The following ANKS1B variants were observed in gnomAD, a reference collection of about 807,000 sequenced individuals.
The protein encoded by ANKS1B is ankyrin repeat and sterile alpha motif domain containing 1B.
In ANKS1B, 36 loss-of-function variants were observed where a neutral mutation model predicts 148.3. The ratio of observed to expected loss-of-function variants is 0.24; its 90% CI spans 0.19 to 0.32. ANKS1B has a LOEUF of 0.32. Among genes scored for constraint, ANKS1B ranks in the 10% least tolerant of loss-of-function variants. The pLI is 1.00. For synonymous variants in ANKS1B, 542 were observed against 560.8 expected (o/e 0.97, Z 0.47); for missense variants, 1,157 against 1,542.6 (o/e 0.75, Z 4.19).
At chr12:98,776,324 C>T (rs1372159232) in intron 24 of ANKS1B, among the ~76,000 whole-genome samples, 1 of 152,226 alleles carries the variant, frequency 6.6e-6, no homozygotes, top group Non-Finnish European at 1.5e-5. Flanking sequence ...TGAAGAGGTA[C>T]AGGTGATGCA....
intron 8 of ANKS1B, among the ~76,000 whole-genome samples, chr12:99,758,539 T>C (rs1225972877): frequency 8.6e-6 from 1 of 116,056 alleles, no homozygotes; most frequent in Non-Finnish European, 1.8e-5. Context: ...CCATTTTTCA[T>C]ATTAAAAAAA....
At chr12:98,760,398 G>A (rs894725995) in intron 25 of ANKS1B, among the ~76,000 whole-genome samples, 10 of 152,050 alleles carry the variant, frequency 6.6e-5, no homozygotes, top group Non-Finnish European at 1.5e-4. Context: ...TGGAGTAGCT[G>A]GGACCACAGG....
chr12:98,964,863 G>A (rs7959092), intron 17 of ANKS1B, among the ~76,000 whole-genome samples: 3,580 of 152,078 alleles, frequency 0.024, 130 homozygotes, highest in African/African-American at 0.081. Context: ...TGGTAAATAC[G>A]TATAAAAATA....
intron 11 of ANKS1B, among the ~76,000 whole-genome samples, chr12:99,433,758 T>C (rs2095416558): frequency 6.6e-6 from 1 of 152,034 alleles, no homozygotes; most frequent in Non-Finnish European, 1.5e-5. Flanking sequence ...ATAAACAGCA[T>C]TGAAAGCTCT....
chr12:99,284,358 G>A (rs894041259), intron 12 of ANKS1B, among the ~76,000 whole-genome samples: 9 of 152,164 alleles, frequency 5.9e-5, no homozygotes, highest in Admixed American at 3.9e-4. Flanking sequence ...GCTCAAAGTA[G>A]AGAAACAAGA....
chr12:99,928,276 T>TTTTA lies in ANKS1B; in HGVS notation c.134+55827_134+55828insTAAA, dbSNP rs2094524125. ...CTATTATTTTATTTTATTTTATTTT[T>TTTTA]TTTTTTTTTTTTTGAGACGGAGTCT... On this transcript the variant is annotated intron_variant, in intron 1 of 26. Transcript: ENST00000683438. Among the ~76,000 whole-genome samples, 4 of 114,710 alleles carry TTTTA rather than the reference T, an allele frequency of 3.5e-5. No homozygotes were observed. The East Asian group carries it at 9.1e-4, about 26-fold the overall frequency. The allele number at this position is 114,710 out of a possible 152,430, so 75.3% of individuals were successfully genotyped here. A position where few individuals can be genotyped will look rare whatever the true frequency, so the allele number is the denominator to read the frequency against.
intron 9 of ANKS1B, among the ~76,000 whole-genome samples, chr12:99,638,382 G>GTCCA (rs1326687677): frequency 6.6e-6 from 1 of 152,170 alleles, no homozygotes; most frequent in African/African-American, 2.4e-5. Context: ...GGACAATGAA[G>GTCCA]TCCAGGCTGA....
intron 16 of ANKS1B, among the ~76,000 whole-genome samples, chr12:99,075,158 AT>A (rs1205218862): frequency 6.6e-6 from 1 of 152,194 alleles, no homozygotes; most frequent in African/African-American, 2.4e-5. Context: ...AGGAAGAGAG[AT>A]AATACTTCTT....
chr12:99,386,352 A>G (rs1391986624), intron 12 of ANKS1B: 2 of 152,170 alleles, frequency 1.3e-5, no homozygotes, highest in African/African-American at 4.8e-5. Context: ...CGCACACTGG[A>G]TTCTGATCAT....
intron 13 of ANKS1B, 44 bp from the exon 14 acceptor site, chr12:99,244,458 T>A (rs2089938216): frequency 7.8e-7 from 1 of 1,274,848 alleles, no homozygotes; most frequent in East Asian, 2.4e-5. Context: ...TACATTCACT[T>A]TTAACATTGT....
intron 15 of ANKS1B, chr12:99,104,658 C>T (rs1275492601): frequency 6.6e-6 from 1 of 152,174 alleles, no homozygotes; most frequent in East Asian, 1.9e-4. Context: ...AATGGTATTA[C>T]CTGGAGTTCC....
intron 9 of ANKS1B, among the ~76,000 whole-genome samples, chr12:99,585,024 A>T (rs2097615447): frequency 6.6e-6 from 1 of 152,132 alleles, no homozygotes; most frequent in Admixed American, 6.5e-5. Context: ...TTCAAAACAC[A>T]GTCATGCCTT....
At chr12:99,117,818 G>T (rs1600366785) in intron 15 of ANKS1B, among the ~76,000 whole-genome samples, 1 of 152,140 alleles carries the variant, frequency 6.6e-6, no homozygotes, top group East Asian at 1.9e-4. Flanking sequence ...CTGTGAATCT[G>T]TCTGGTCCTG....
intron 9 of ANKS1B, among the ~76,000 whole-genome samples, chr12:99,581,982 T>A (rs2097575478): frequency 6.6e-6 from 1 of 151,578 alleles, no homozygotes; most frequent in Non-Finnish European, 1.5e-5. Flanking sequence ...AACACTTGTA[T>A]CAAAACACAT....
chr12:99,962,315 C>A (rs150478982), intron 1 of ANKS1B, among the ~76,000 whole-genome samples: 1 of 152,126 alleles, frequency 6.6e-6, no homozygotes, highest in African/African-American at 2.4e-5. Context: ...TTTCTGTTCC[C>A]GTGTTAGTTT....
intron 19 of ANKS1B, among the ~76,000 whole-genome samples, chr12:98,822,594 A>G (rs1317662228): frequency 6.6e-6 from 1 of 152,196 alleles, no homozygotes; most frequent in East Asian, 1.9e-4. Context: ...TGAAAACAGA[A>G]TATTTTCTAT....
chr12:99,497,635 G>C (rs967370947), intron 10 of ANKS1B, among the ~76,000 whole-genome samples: 3 of 151,932 alleles, frequency 2.0e-5, no homozygotes, highest in Admixed American at 6.6e-5. Flanking sequence ...TATTGGATTA[G>C]GGTCCACTTA....
intron 17 of ANKS1B, among the ~76,000 whole-genome samples, chr12:98,897,285 A>G (rs1324787115): frequency 6.6e-6 from 1 of 152,188 alleles, no homozygotes; most frequent in East Asian, 1.9e-4. Flanking sequence ...AACAGAGTAA[A>G]CAGACAACCT....
chr12:98,759,749 G>A (rs2098356920), intron 25 of ANKS1B, among the ~76,000 whole-genome samples: 1 of 152,098 alleles, frequency 6.6e-6, no homozygotes, highest in Non-Finnish European at 1.5e-5. Flanking sequence ...AAAACTGGAG[G>A]CGGGTGGATT....
Sources: allele counts gnomAD v4.1 joint callset (sites outside exome capture counted in the v4.1 genomes callset), GRCh38; gene constraint gnomAD v4.1.1; transcripts MANE v1.5; gene names NCBI Gene and HGNC (gene_info 2026-07-23, HGNC 2026-07-21).